Variants in EML4 observed in about 807,000 individuals in gnomAD.
EML4 encodes the protein echinoderm microtubule-associated protein-like 4.
A neutral mutation model predicts 129.0 loss-of-function variants in EML4; 72 were observed. The observed-to-expected ratio is 0.56, with a 90% CI of 0.46 to 0.68. The LOEUF (loss-of-function observed/expected upper bound fraction) is 0.68, where lower values mean the gene tolerates loss of function less well. Ranked by LOEUF, EML4 falls within the 30% of genes least tolerant of loss-of-function variation. EML4 has a pLI of 0.00. For synonymous variants in EML4, 532 were observed against 405.0 expected (o/e 1.31, Z -3.77); for missense variants, 1,363 against 1,190.6 (o/e 1.14, Z -2.13).
At chr2:42,174,067 C>G (rs899893950) in intron 1 of EML4, among the ~76,000 whole-genome samples, 2 of 152,040 alleles carry the variant, frequency 1.3e-5, no homozygotes, top group African/African-American at 4.8e-5. Flanking sequence ...TCTAGGGAGT[C>G]TTTTTCTGTC....
intron 2 of EML4, among the ~76,000 whole-genome samples, chr2:42,250,538 G>A (rs1041072678): frequency 6.6e-6 from 1 of 152,310 alleles, no homozygotes; most frequent in Admixed American, 6.5e-5. Flanking sequence ...GTATAGTCAT[G>A]CATCACTTAA....
intron 17 of EML4, among the ~76,000 whole-genome samples, chr2:42,313,451 T>TA (rs1284539654): frequency 1.3e-5 from 2 of 151,982 alleles, no homozygotes; most frequent in Non-Finnish European, 2.9e-5. Flanking sequence ...GTAGACAAGG[T>TA]AAAAAATTGG....
At chr2:42,253,529 C>T (rs758303308) in intron 2 of EML4, among the ~76,000 whole-genome samples, 2 of 152,066 alleles carry the variant, frequency 1.3e-5, no homozygotes, top group African/African-American at 4.8e-5. Context: ...CACAGTGTAG[C>T]GATGCCATAG....
intron 18 of EML4, 48 bp downstream of exon 18, chr2:42,316,098 C>G (rs759678166): frequency 8.7e-6 from 11 of 1,268,826 alleles, no homozygotes; most frequent in Non-Finnish European, 1.3e-5. Context: ...CACAGCACTT[C>G]ACTGCAATTG....
chr2:42,171,246 A>C (rs1465473194), intron 1 of EML4, among the ~76,000 whole-genome samples: 1 of 152,192 alleles, frequency 6.6e-6, no homozygotes, highest in African/African-American at 2.4e-5. Flanking sequence ...CTGATCTTAT[A>C]CTAAAGTAAA....
chr2:42,199,175 A>G (rs1322417243), intron 1 of EML4, among the ~76,000 whole-genome samples: 1 of 152,174 alleles, frequency 6.6e-6, no homozygotes, highest in African/African-American at 2.4e-5. Context: ...GCTTGGGGTT[A>G]TGGGCCAAGA....
intron 3 of EML4, among the ~76,000 whole-genome samples, chr2:42,258,125 G>T (rs1203690685): frequency 6.6e-6 from 1 of 152,118 alleles, no homozygotes; most frequent in Non-Finnish European, 1.5e-5. Flanking sequence ...AACAATCCAA[G>T]GCCAGCTGAG....
At chr2:42,249,043 A>G (rs1166969699) in intron 2 of EML4, among the ~76,000 whole-genome samples, 2 of 152,184 alleles carry the variant, frequency 1.3e-5, no homozygotes, top group Admixed American at 6.5e-5. Context: ...GTTGAAAGCA[A>G]TTGGAATTTA....
chr2:42,180,938 G>A (rs889071112), intron 1 of EML4, among the ~76,000 whole-genome samples: 1 of 152,086 alleles, frequency 6.6e-6, no homozygotes, highest in Non-Finnish European at 1.5e-5. Context: ...CAGTTGTTTT[G>A]TAGACTGTCC....
intron 8 of EML4, among the ~76,000 whole-genome samples, chr2:42,283,703 A>T (rs1329985089): frequency 1.3e-5 from 2 of 152,172 alleles, no homozygotes; most frequent in Middle Eastern, 3.2e-3. Flanking sequence ...GTTGATTAAA[A>T]TATTGCCTTT....
At chr2:42,197,906 TGAAGCA>T in intron 1 of EML4, among the ~76,000 whole-genome samples, 1 of 152,214 alleles carries the variant, frequency 6.6e-6, no homozygotes, top group East Asian at 1.9e-4. Context: ...GTTTGTAATT[TGAAGCA>T]TAGGGTGGTG....
intron 1 of EML4, among the ~76,000 whole-genome samples, chr2:42,238,064 A>G (rs796540713): frequency 1.6e-4 from 25 of 152,314 alleles, no homozygotes; most frequent in African/African-American, 5.8e-4. Context: ...GCACAAAATT[A>G]TTTTTTAAAT....
At position 42,325,602 on chromosome 2, in the gene EML4, T is replaced by TA. The variant is rs1558614750; in HGVS notation, c.2242+48_2242+49insA. The TA allele has an allele frequency of 2.0e-3, 253 of 129,312 alleles. 19 individuals carry two copies. The highest frequency in any genetic ancestry group is 9.2e-3 in the East Asian group (36 of 3,934). 8.0% of individuals were successfully genotyped at this position (129,312 alleles called of 1,614,324 possible). Reference sequence around the variant, plus strand: ...ATATATATATATGCTATGATTATATTTATATATATATATATATATATATAT... The same window carrying TA: ...ATATATATATATGCTATGATTATATTATATATATATATATATATATATATAT... On this transcript the variant is annotated intron_variant, in intron 20 of 22. Transcript: ENST00000318522.
chr2:42,189,943 T>C (rs1027313862), intron 1 of EML4, among the ~76,000 whole-genome samples: 3 of 151,486 alleles, frequency 2.0e-5, no homozygotes, highest in Non-Finnish European at 4.4e-5. Context: ...TATTACGAAG[T>C]CAAAATTCCC....
chr2:42,304,768 C>G (rs1391997668), intron 17 of EML4, among the ~76,000 whole-genome samples: 1 of 152,134 alleles, frequency 6.6e-6, no homozygotes, highest in African/African-American at 2.4e-5. Context: ...CAGAATACAT[C>G]AGAAAACAAA....
At chr2:42,174,887 G>A (rs1409613189) in intron 1 of EML4, among the ~76,000 whole-genome samples, 2 of 151,718 alleles carry the variant, frequency 1.3e-5, no homozygotes, top group South Asian at 2.1e-4. Flanking sequence ...GCGCGATCTC[G>A]GCTCACTGCA....
intron 2 of EML4, among the ~76,000 whole-genome samples, chr2:42,255,079 G>T (rs1228742007): frequency 6.8e-6 from 1 of 147,750 alleles, no homozygotes; most frequent in East Asian, 2.0e-4. Context: ...CGCGGTTTTT[G>T]TTTTTTTTTT....
intron 1 of EML4, among the ~76,000 whole-genome samples, chr2:42,190,623 T>C (rs1457795561): frequency 6.6e-6 from 1 of 152,162 alleles, no homozygotes; most frequent in Non-Finnish European, 1.5e-5. Flanking sequence ...ATCTCAGACA[T>C]TGGAAAGGTA....
intron 17 of EML4, 57 bp from the exon 18 acceptor site, chr2:42,315,903 CTT>C: frequency 7.9e-7 from 1 of 1,268,478 alleles, no homozygotes; most frequent in South Asian, 1.3e-5. Flanking sequence ...AAAAGAACAA[CTT>C]TTTTTTTCTA....
Sources: allele counts gnomAD v4.1 joint callset (sites outside exome capture counted in the v4.1 genomes callset), GRCh38; gene constraint gnomAD v4.1.1; transcripts MANE v1.5; gene names NCBI Gene and HGNC (gene_info 2026-07-23, HGNC 2026-07-21).